Variants in SOX5 observed in about 807,000 individuals in gnomAD.
SOX5 encodes the protein transcription factor SOX-5.
SOX5 carries 9 observed loss-of-function variants against 92.0 expected under a neutral mutation model. The ratio of observed to expected loss-of-function variants is 0.10; its 90% CI spans 0.06 to 0.17. The LOEUF (loss-of-function observed/expected upper bound fraction) is 0.17, where lower values mean the gene tolerates loss of function less well. SOX5 is among the 10% of genes least tolerant of loss of function. The pLI, the probability that SOX5 is intolerant of heterozygous loss-of-function variation, is 1.00. For missense variants in SOX5, 642 were observed against 944.5 expected (o/e 0.68, Z 4.20); for synonymous variants, 344 against 336.3 (o/e 1.02, Z -0.25).
intron 1 of SOX5, among the ~76,000 whole-genome samples, chr12:23,904,752 G>GT (rs34781498): frequency 0.37 from 56,040 of 152,068 alleles, 11,305 homozygotes; most frequent in Non-Finnish European, 0.46. Flanking sequence ...CACATGTTTA[G>GT]TTTCTGAGAT....
chr12:23,615,123 G>A (rs922110222), intron 8 of SOX5, among the ~76,000 whole-genome samples: 1 of 151,972 alleles, frequency 6.6e-6, no homozygotes, highest in African/African-American at 2.4e-5. Flanking sequence ...TCAATACTTG[G>A]TATTGTCTTT....
At chr12:23,747,490 C>T (rs971290960) in intron 4 of SOX5, among the ~76,000 whole-genome samples, 2 of 152,144 alleles carry the variant, frequency 1.3e-5, no homozygotes, top group African/African-American at 4.8e-5. Context: ...TGGTGTGGCC[C>T]TTGCCTTCTT....
rs182383628 is a variant in SOX5 at position 24,389,130 on chromosome 12, C to G, written c.-250-20491G>C. ...CCTCCTCCCACCCCACAACAGTCCC[C>G]AGAGTGTGATGTTCCCCTTCCTGTG... On this transcript the variant is annotated intron_variant, in intron 1 of 4. Transcript: ENST00000446891. 1.6e-3 allele frequency among the ~76,000 whole-genome samples: 246 copies of G among 151,998 alleles called. 2 individuals are homozygous for G. The highest frequency in any genetic ancestry group is 5.6e-3 in the African/African-American group (232 of 41,436).
intron 3 of SOX5, among the ~76,000 whole-genome samples, chr12:24,239,703 C>T (rs1965199389): frequency 1.3e-5 from 2 of 152,208 alleles, no homozygotes; most frequent in South Asian, 2.1e-4. Context: ...TGCCAGTTTA[C>T]ACCCAGAAGT....
chr12:24,448,635 C>G (rs1212706392), intron 1 of SOX5, among the ~76,000 whole-genome samples: 1 of 152,156 alleles, frequency 6.6e-6, no homozygotes, highest in Non-Finnish European at 1.5e-5. Context: ...TCCTGTTGCA[C>G]TATGGTATTT....
At chr12:24,088,010 T>C (rs983423162) in intron 4 of SOX5, among the ~76,000 whole-genome samples, 15 of 151,912 alleles carry the variant, frequency 9.9e-5, no homozygotes, top group African/African-American at 3.1e-4. Context: ...ATCTCAGAAA[T>C]GGGCCAAAAA....
chr12:24,082,368 G>A (rs1197310436), intron 4 of SOX5, among the ~76,000 whole-genome samples: 1 of 109,654 alleles, frequency 9.1e-6, no homozygotes, highest in East Asian at 3.2e-4. Context: ...ATCAATTGCT[G>A]TAAATTTCTC....
chr12:23,565,351 T>C (rs1946890494), intron 10 of SOX5, among the ~76,000 whole-genome samples: 1 of 152,212 alleles, frequency 6.6e-6, no homozygotes, highest in South Asian at 2.1e-4. Flanking sequence ...TGGTATATGT[T>C]CATTTAGTAA....
chr12:24,384,609 T>C (rs1203549252), intron 1 of SOX5, among the ~76,000 whole-genome samples: 2 of 152,190 alleles, frequency 1.3e-5, no homozygotes, highest in South Asian at 2.1e-4. Context: ...ATCTGTGAAA[T>C]TGCAAAGAAG....
intron 4 of SOX5, among the ~76,000 whole-genome samples, chr12:24,141,585 C>T (rs1950587562): frequency 6.6e-6 from 1 of 152,202 alleles, no homozygotes; most frequent in Non-Finnish European, 1.5e-5. Context: ...AGCCAAATGA[C>T]GTTCTGCTCA....
intron 4 of SOX5, among the ~76,000 whole-genome samples, chr12:24,077,157 T>G (rs1209633533): frequency 6.6e-5 from 10 of 152,182 alleles, no homozygotes; most frequent in Non-Finnish European, 1.5e-4. Flanking sequence ...ACAATCTGTA[T>G]CAATCATGAA....
chr12:24,079,039 T>A (rs1943001950), intron 4 of SOX5, among the ~76,000 whole-genome samples: 1 of 152,056 alleles, frequency 6.6e-6, no homozygotes, highest in Non-Finnish European at 1.5e-5. Context: ...AAATTACAAC[T>A]CTGCCCAGGT....
At chr12:23,884,954 A>G (rs1438371935) in intron 2 of SOX5, among the ~76,000 whole-genome samples, 3 of 152,318 alleles carry the variant, frequency 2.0e-5, no homozygotes, top group East Asian at 3.9e-4. Context: ...CAGACTGAAG[A>G]TCGGCTATAA....
At chr12:23,940,622 T>G (rs1943442737) in intron 1 of SOX5, among the ~76,000 whole-genome samples, 1 of 151,276 alleles carries the variant, frequency 6.6e-6, no homozygotes, top group South Asian at 2.1e-4. Context: ...ACTTGAGATC[T>G]TAACATCTAG....
At chr12:24,209,229 A>T (rs922125302) in intron 4 of SOX5, among the ~76,000 whole-genome samples, 24 of 152,286 alleles carry the variant, frequency 1.6e-4, no homozygotes, top group Non-Finnish European at 1.5e-5. Flanking sequence ...CTCTTATGGG[A>T]GTGGAGAATT....
chr12:24,264,026 T>C (rs1368164023), intron 3 of SOX5, among the ~76,000 whole-genome samples: 1 of 152,220 alleles, frequency 6.6e-6, no homozygotes, highest in African/African-American at 2.4e-5. Flanking sequence ...CTCATAGTCT[T>C]CAGGCTTGAT....
chr12:24,199,188 G>T (rs962197026), intron 4 of SOX5, among the ~76,000 whole-genome samples: 1 of 152,124 alleles, frequency 6.6e-6, no homozygotes, highest in Non-Finnish European at 1.5e-5. Flanking sequence ...CAGCAGGGAT[G>T]GATGCCCATG....
At chr12:23,866,578 T>C (rs2096817038) in intron 2 of SOX5, among the ~76,000 whole-genome samples, 1 of 152,186 alleles carries the variant, frequency 6.6e-6, no homozygotes, top group Non-Finnish European at 1.5e-5. Flanking sequence ...ATATTCTCTT[T>C]ATTGTGGTAG....
At chr12:24,097,522 T>G (rs894983062) in intron 4 of SOX5, among the ~76,000 whole-genome samples, 1 of 151,504 alleles carries the variant, frequency 6.6e-6, no homozygotes, top group Non-Finnish European at 1.5e-5. Context: ...TGTTTAATTA[T>G]TTGCTCCATT....
Sources: gnomAD v4.1 joint callset for allele counts (sites outside exome capture counted in the v4.1 genomes callset) on GRCh38, gnomAD v4.1.1 for gene constraint, MANE v1.5 for transcripts, NCBI Gene and HGNC (gene_info 2026-07-23, HGNC 2026-07-21) for gene names.